The following DTWD1 variants were observed in gnomAD, a reference collection of about 807,000 sequenced individuals.
DTWD1 encodes the protein DTW motif tRNA-uridine aminocarboxypropyltransferase 1, also known as tRNA-uridine aminocarboxypropyltransferase 1.
Under a neutral mutation model 30.2 loss-of-function variants are expected in DTWD1, and 27 were observed. The ratio of observed to expected loss-of-function variants is 0.90; its 90% CI spans 0.66 to 1.23. The LOEUF (loss-of-function observed/expected upper bound fraction) is 1.23, where lower values mean the gene tolerates loss of function less well. DTWD1 is among the 50% of genes most tolerant of loss of function. The pLI is 0.00. For synonymous variants in DTWD1, 99 were observed against 113.1 expected, an observed-to-expected ratio of 0.88 and a Z score of 0.79; for missense variants, 342 against 348.8, an observed-to-expected ratio of 0.98 and a Z score of 0.15.
chr15:49,627,661 A>G (rs930872979), intron 2 of DTWD1, among the ~76,000 whole-genome samples: 3 of 152,238 alleles, frequency 2.0e-5, no homozygotes, highest in Non-Finnish European at 4.4e-5. Context: ...CATACTGTAC[A>G]CAGTTGTACA....
At position 49,654,830 on chromosome 15, in the gene DTWD1, A is replaced by G. The variant is rs191352066; in HGVS notation, c.*11252A>G. The G allele has an allele frequency of 6.6e-6, 1 of 152,168 alleles. No homozygotes were observed. Among genetic ancestry groups the G allele is most frequent in the East Asian group, 1.9e-4 (1 of 5,158 alleles). The allele number at this position is 152,168 out of a possible 1,614,324, so 9.4% of individuals were successfully genotyped here. On this transcript the variant is annotated 3_prime_UTR_variant, in exon 5 of 5. Coordinates refer to ENST00000403028, the MANE Select transcript of DTWD1 (RefSeq NM_001144955.2). ...AGATTGAGTGACTTAAACAACAGAA[A>G]TTTATATCTTACATTTCTGGAGACT...
intron 4 of DTWD1, among the ~76,000 whole-genome samples, chr15:49,639,870 A>C (rs573937219): frequency 1.3e-5 from 2 of 152,326 alleles, no homozygotes; most frequent in African/African-American, 4.8e-5. Flanking sequence ...GGGCTGGGAC[A>C]TGACTTCAAG....
At chr15:49,632,495 G>A (rs113238590) in intron 3 of DTWD1, among the ~76,000 whole-genome samples, 193 bp downstream of exon 3, 1,673 of 152,240 alleles carry the variant, frequency 0.011, 34 homozygotes, top group African/African-American at 0.039. Context: ...ACTGCTATGC[G>A]TTTTTGAGTC....
chr15:49,653,009 C>T lies in DTWD1; in HGVS notation c.*9431C>T, dbSNP rs1271204954. On this transcript the variant is annotated 3_prime_UTR_variant, in exon 5 of 5. Transcript: ENST00000403028. ...GAAGCAAAAAATCAAAGAGTTTAAA[C>T]AGAATTTTGAGAAATCCCAAATCAG... The T allele has an allele frequency of 6.6e-6, 1 of 152,070 alleles. No homozygotes were observed. The allele number at this position is 152,070 out of a possible 1,614,324, so 9.4% of individuals were successfully genotyped here.
chr15:49,637,914 G>T (rs1238147677), intron 4 of DTWD1, among the ~76,000 whole-genome samples: 1 of 152,212 alleles, frequency 6.6e-6, no homozygotes, highest in African/African-American at 2.4e-5. Flanking sequence ...TGCTTTGAAA[G>T]TCTAATTGTG....
At position 49,643,972 on chromosome 15, in the gene DTWD1, GA is replaced by G; in HGVS notation, c.*399del. 6.5e-6 allele frequency: 1 copy of G among 153,668 alleles called. No individual in the cohort carries two copies. Among genetic ancestry groups the G allele is most frequent in the Non-Finnish European group, 1.4e-5 (1 of 69,048 alleles). The allele number at this position is 153,668 out of a possible 1,614,324, so 9.5% of individuals were successfully genotyped here. ...TAAATGGGGTTACAATCTGCTGGCT[GA>G]AAAATAGGTCATAAGTGATTTTTCT... On this transcript the variant is annotated 3_prime_UTR_variant, in exon 5 of 5. Transcript: ENST00000403028.
rs1210307038 is a variant in DTWD1, at chr15:49,654,360, C to G, written c.*10782C>G. 6.6e-6 allele frequency: 1 copy of G among 152,074 alleles called. No homozygotes were observed. Among genetic ancestry groups the G allele is most frequent in the Non-Finnish European group, 1.5e-5 (1 of 68,000 alleles). The allele number at this position is 152,074 out of a possible 1,614,324, so 9.4% of individuals were successfully genotyped here. On this transcript the variant is annotated 3_prime_UTR_variant, in exon 5 of 5. Transcript: ENST00000403028. Reference sequence around the variant, plus strand: ...AATTCCTTCCCTTCCTTGGACTCCTCTCTTCAGAGGGTAGAGTCCATTTCC... The same window carrying G: ...AATTCCTTCCCTTCCTTGGACTCCTGTCTTCAGAGGGTAGAGTCCATTTCC...
chr15:49,629,333 T>C (rs1264783905), intron 2 of DTWD1, among the ~76,000 whole-genome samples: 1 of 152,194 alleles, frequency 6.6e-6, no homozygotes, highest in African/African-American at 2.4e-5. Context: ...ATAAAGCTTT[T>C]TCTTTTATCA....
At chr15:49,626,371 G>A (rs1230719560) in intron 2 of DTWD1, among the ~76,000 whole-genome samples, 1 of 152,014 alleles carries the variant, frequency 6.6e-6, no homozygotes, top group East Asian at 1.9e-4. Flanking sequence ...AATTCCCTGG[G>A]CTGTGTTATC....
chr15:49,643,602 T>G lies in DTWD1; in HGVS notation c.*24T>G. ...AGTTTTTAACAAGCCACTTATGTCT[T>G]TTTATTTTGCTAACATTAATAAACT... On this transcript the variant is annotated 3_prime_UTR_variant, in exon 5 of 5. Transcript: ENST00000403028. 1 of 1,551,986 alleles carries G rather than the reference T, an allele frequency of 6.4e-7. No homozygotes were observed. Among genetic ancestry groups the G allele is most frequent in the South Asian group, 1.2e-5 (1 of 80,184 alleles).
chr15:49,649,421 A>C lies in DTWD1; in HGVS notation c.*5843A>C, dbSNP rs997537113. On this transcript the variant is annotated 3_prime_UTR_variant, in exon 5 of 5. Coordinates refer to ENST00000403028, the MANE Select transcript of DTWD1 (RefSeq NM_001144955.2). ...TTCCAGTAAAACGGAGAAGGAAACC[A>C]AAAACCAAAAAAGAGAGCATTAAGA... 6.6e-6 allele frequency: 1 copy of C among 152,174 alleles called. No individual in the cohort carries two copies. Among genetic ancestry groups the C allele is most frequent in the Non-Finnish European group, 1.5e-5 (1 of 68,050 alleles). The allele number at this position is 152,174 out of a possible 1,614,324, so 9.4% of individuals were successfully genotyped here.
At chr15:49,638,370 A>T (rs1340872515) in intron 4 of DTWD1, among the ~76,000 whole-genome samples, 1 of 152,130 alleles carries the variant, frequency 6.6e-6, no homozygotes, top group Admixed American at 6.5e-5. Flanking sequence ...CTAGATCAAA[A>T]ATTTTTAAAG....
chr15:49,626,010 A>T (rs1447204644), intron 2 of DTWD1, among the ~76,000 whole-genome samples: 1 of 152,142 alleles, frequency 6.6e-6, no homozygotes, highest in African/African-American at 2.4e-5. Flanking sequence ...AACCAAGTGT[A>T]TTTATGGAAA....
chr15:49,635,701 C>A (rs1324607693), intron 4 of DTWD1, among the ~76,000 whole-genome samples: 6 of 151,996 alleles, frequency 3.9e-5, no homozygotes, highest in African/African-American at 1.5e-4. Context: ...ACCATATTGG[C>A]CAGGCTGGTC....
intron 1 of DTWD1, chr15:49,621,422 C>A (rs1347579711): frequency 6.6e-6 from 1 of 152,084 alleles, no homozygotes; most frequent in African/African-American, 2.4e-5. Flanking sequence ...CTGGCAAAGT[C>A]AGTTCCCTAG....
chr15:49,634,552 C>G lies in DTWD1; in HGVS notation c.425C>G (p.Pro142Arg). 1 of 1,607,522 alleles carries G rather than the reference C, an allele frequency of 6.2e-7. No homozygotes were observed. The highest frequency in any genetic ancestry group is 8.5e-7 in the Non-Finnish European group (1 of 1,177,592). The part of the protein sequence containing the change: ...EKDHEVALIF[P>R]GPQSISIKDI... ...TTGTTTTAGGTTGCACTCATTTTTCCTGGACCTCAGTCTATCTCAATAAAA... is the reference window on the plus strand; with the variant it reads ...TTGTTTTAGGTTGCACTCATTTTTCGTGGACCTCAGTCTATCTCAATAAAA... Residue 142 changes from proline to arginine, a missense_variant, in exon 4 of 5, where the codon CCT becomes CGT. Pro to Arg is a moderately radical substitution (Grantham distance 103). Coordinates refer to ENST00000403028, the MANE Select transcript of DTWD1 (RefSeq NM_001144955.2).
rs1382838640 is a variant in DTWD1 at position 49,650,246 on chromosome 15, CTG to C, written c.*6669_*6670del. 6.6e-6 allele frequency: 1 copy of C among 151,970 alleles called. No homozygotes were observed. Among genetic ancestry groups the C allele is most frequent in the Non-Finnish European group, 1.5e-5 (1 of 67,990 alleles). 9.4% of individuals were successfully genotyped at this position (151,970 alleles called of 1,614,324 possible). On this transcript the variant is annotated 3_prime_UTR_variant, in exon 5 of 5. Transcript: ENST00000403028. ...CATGGTAAGATGTTAAGATTTTACT[CTG>C]AGTGATGAGATAGGAAGCCATCAGA...
At chr15:49,633,049 C>CTATATA (rs1555588610) in intron 3 of DTWD1, among the ~76,000 whole-genome samples, 31 of 117,324 alleles carry the variant, frequency 2.6e-4, no homozygotes, top group East Asian at 6.5e-4. Context: ...ATATCTATAT[C>CTATATA]TATATATATA....
rs894116403 is a variant in DTWD1, at chr15:49,656,191, T to G, written c.*12613T>G. On this transcript the variant is annotated 3_prime_UTR_variant, in exon 5 of 5. Transcript: ENST00000403028. Reference sequence around the variant, plus strand: ...ATATGAAAGTGTTGATTGCACCTGGTTCTTTGCTGTAAATTAAATAAAAAT... The same window carrying G: ...ATATGAAAGTGTTGATTGCACCTGGGTCTTTGCTGTAAATTAAATAAAAAT... The G allele has an allele frequency of 5.9e-5, 9 of 152,052 alleles. 1 individual carries two copies. Among genetic ancestry groups the G allele is most frequent in the African/African-American group, 2.2e-4 (9 of 41,432 alleles). The allele number at this position is 152,052 out of a possible 1,614,324, so 9.4% of individuals were successfully genotyped here. A position where few individuals can be genotyped will look rare whatever the true frequency, so the allele number is the denominator to read the frequency against.
Sources: allele counts gnomAD v4.1 joint callset (sites outside exome capture counted in the v4.1 genomes callset), GRCh38; gene constraint gnomAD v4.1.1; transcripts MANE v1.5; gene names NCBI Gene and HGNC (gene_info 2026-07-23, HGNC 2026-07-21).